The following CCDC171 variants were observed in gnomAD, a reference collection of about 807,000 sequenced individuals.
CCDC171 encodes the protein coiled-coil domain-containing protein 171.
In CCDC171, 177 loss-of-function variants were observed where a neutral mutation model predicts 168.2. That is an observed-to-expected ratio of 1.05 (90% confidence interval 0.93 to 1.19). The LOEUF (loss-of-function observed/expected upper bound fraction) is 1.19, where lower values mean the gene tolerates loss of function less well. CCDC171 is among the 50% of genes most tolerant of loss of function. The pLI, the probability that CCDC171 is intolerant of heterozygous loss-of-function variation, is 0.00. For synonymous variants in CCDC171, 687 were observed against 540.8 expected, an observed-to-expected ratio of 1.27 and a Z score of -3.75; for missense variants, 1,991 against 1,539.0, an observed-to-expected ratio of 1.29 and a Z score of -4.91.
Position 15,705,126 on chromosome 9 carries a change from A to ACT in CCDC171, c.1318+9791_1318+9792dup, listed in dbSNP as rs1554769420. Reference sequence around the variant, plus strand: ...CACACACACACACACACACACTCTCACTCACTCAGATAACTAAGTGTGGTG... The same window carrying ACT: ...CACACACACACACACACACACTCTCACTCTCACTCAGATAACTAAGTGTGGTG... On this transcript the variant is annotated intron_variant, in intron 11 of 25. Transcript: ENST00000380701. Among the ~76,000 whole-genome samples the ACT allele has an allele frequency of 9.8e-3, 1,465 of 148,854 alleles. 19 individuals are homozygous for ACT. The highest frequency in any genetic ancestry group is 0.036 in the African/African-American group (1,422 of 39,582).
Position 15,699,290 on chromosome 9 carries a change from C to G in CCDC171, c.1318+3953C>G, listed in dbSNP as rs561586248. Among the ~76,000 whole-genome samples, 13 of 152,140 alleles carry G rather than the reference C, an allele frequency of 8.5e-5. No homozygotes were observed. In the East Asian group the frequency reaches 2.5e-3, roughly 29 times the overall value. On this transcript the variant is annotated intron_variant, in intron 11 of 25. Coordinates refer to ENST00000380701, the MANE Select transcript of CCDC171 (RefSeq NM_173550.4). ...CGGTGGGCTCGTGGGCTCGCTGGCT[C>G]AGGAGTGAAGCTGCAGACCTTCGCG...
At chr9:15,649,983 A>C (rs1276124711) in intron 7 of CCDC171, among the ~76,000 whole-genome samples, 2 of 152,146 alleles carry the variant, frequency 1.3e-5, no homozygotes, top group Admixed American at 6.5e-5. Context: ...ACAATAGCAA[A>C]GACTTGGAAC....
chr9:15,715,107 A>G (rs2052980672), intron 11 of CCDC171, among the ~76,000 whole-genome samples: 1 of 152,194 alleles, frequency 6.6e-6, no homozygotes. Context: ...TTCTAGCCAC[A>G]TGGAGCTTAT....
chr9:15,766,916 C>T (rs912427108), intron 18 of CCDC171, among the ~76,000 whole-genome samples: 5 of 152,126 alleles, frequency 3.3e-5, no homozygotes, highest in Non-Finnish European at 7.3e-5. Flanking sequence ...TTTGCCTTGG[C>T]CTCACAAAGT....
chr9:15,713,181 G>A (rs563320993), intron 11 of CCDC171, among the ~76,000 whole-genome samples: 3 of 152,264 alleles, frequency 2.0e-5, no homozygotes, highest in South Asian at 2.1e-4. Flanking sequence ...ACTACTTGAC[G>A]TTCTGCTTAC....
chr9:15,666,218 A>C lies in CCDC171; in HGVS notation c.971A>C (p.Glu324Ala). The change falls in exon 9 of 26, where the codon GAA becomes GCA. Residue 324 changes from glutamate (E) to alanine (A), a missense_variant. Transcript: ENST00000380701. ...ALQVEKASQA[E>A]AVADLEIIKN... ...CAAGTAGAGAAGGCCAGTCAAGCAG[A>C]AGCTGTTGCTGATTTGGAAATTATC... 6.2e-7 allele frequency: 1 copy of C among 1,613,898 alleles called. No individual in the cohort carries two copies. Among genetic ancestry groups the C allele is most frequent in the South Asian group, 1.1e-5 (1 of 91,072 alleles).
At chr9:15,686,812 G>A (rs1587958317) in intron 10 of CCDC171, among the ~76,000 whole-genome samples, 1 of 152,088 alleles carries the variant, frequency 6.6e-6, no homozygotes, top group Admixed American at 6.6e-5. Context: ...ATAATATTTC[G>A]GGGCTTCAGT....
chr9:15,579,734 A>G (rs748475676), intron 4 of CCDC171, among the ~76,000 whole-genome samples: 2 of 152,132 alleles, frequency 1.3e-5, no homozygotes, highest in African/African-American at 4.8e-5. Flanking sequence ...ATCATAAAGT[A>G]TATATTCTTT....
At chr9:15,744,863 T>TA (rs2055159779) in intron 17 of CCDC171, 86 bp downstream of exon 17, 3 of 1,284,506 alleles carry the variant, frequency 2.3e-6, no homozygotes, top group East Asian at 2.5e-5. Context: ...GAAAAACTCT[T>TA]AAAAAATCAT....
intron 6 of CCDC171, among the ~76,000 whole-genome samples, chr9:15,597,773 T>G (rs1192742280): frequency 1.3e-5 from 2 of 152,044 alleles, no homozygotes; most frequent in African/African-American, 4.8e-5. Context: ...TCCATCTGGT[T>G]CTGGACTTTT....
At chr9:15,836,235 C>G (rs1486705399) in intron 21 of CCDC171, among the ~76,000 whole-genome samples, 1 of 152,234 alleles carries the variant, frequency 6.6e-6, no homozygotes, top group Non-Finnish European at 1.5e-5. Flanking sequence ...CAAGTGATTT[C>G]TCACACATTA....
intron 18 of CCDC171, among the ~76,000 whole-genome samples, chr9:15,762,897 G>A (rs2135121120): frequency 6.6e-6 from 1 of 152,200 alleles, no homozygotes; most frequent in East Asian, 1.9e-4. Context: ...GTCATACAGT[G>A]CAAAGGAGTG....
chr9:15,799,614 G>C (rs115952906), intron 21 of CCDC171, among the ~76,000 whole-genome samples: 9 of 151,902 alleles, frequency 5.9e-5, no homozygotes, highest in African/African-American at 1.2e-4. Context: ...TTTGTGTTGC[G>C]AACAATCCAA....
intron 4 of CCDC171, among the ~76,000 whole-genome samples, chr9:16,021,111 G>T (rs1323629730): frequency 2.0e-5 from 3 of 152,132 alleles, no homozygotes; most frequent in Non-Finnish European, 2.9e-5. Context: ...TCTTTAGACG[G>T]AGTTTCACTC....
Position 15,810,454 on chromosome 9 carries a change from G to A in CCDC171, c.3267+25760G>A, listed in dbSNP as rs188740767. ...CGGGCGCTGTGGAGCAGGGGGTGGC[G>A]CCTGTCGGGGAGGCTAGGGCCACTT... On this transcript the variant is annotated intron_variant, in intron 21 of 25. Transcript: ENST00000380701. 6.7e-3 allele frequency among the ~76,000 whole-genome samples: 960 copies of A among 142,280 alleles called. 15 individuals are homozygous for A. The highest frequency in any genetic ancestry group is 0.024 in the African/African-American group (907 of 37,852). 93.3% of individuals were successfully genotyped at this position (142,280 alleles called of 152,430 possible).
At chr9:16,059,020 C>T (rs1423425678) in intron 1 of CCDC171, among the ~76,000 whole-genome samples, 2 of 152,122 alleles carry the variant, frequency 1.3e-5, no homozygotes, top group African/African-American at 2.4e-5. Flanking sequence ...TGCCTTTTCC[C>T]ACAAACATGG....
chr9:15,775,576 C>T (rs1459485299), intron 18 of CCDC171, among the ~76,000 whole-genome samples: 1 of 152,154 alleles, frequency 6.6e-6, no homozygotes, highest in Non-Finnish European at 1.5e-5. Flanking sequence ...CCTTAGCCTC[C>T]CAAAGTGCTG....
At chr9:15,959,973 C>G (rs531674128) in intron 25 of CCDC171, among the ~76,000 whole-genome samples, 28 of 152,292 alleles carry the variant, frequency 1.8e-4, no homozygotes, top group African/African-American at 6.3e-4. Context: ...TATGACCTAG[C>G]AAGCCCCCTA....
At chr9:15,924,238 T>G (rs1028601800) in intron 25 of CCDC171, among the ~76,000 whole-genome samples, 7 of 151,354 alleles carry the variant, frequency 4.6e-5, no homozygotes, top group Admixed American at 2.6e-4. Context: ...GAGTGGATAT[T>G]GTGTTAACCA....
Sources: gnomAD v4.1 joint callset for allele counts (sites outside exome capture counted in the v4.1 genomes callset) on GRCh38, gnomAD v4.1.1 for gene constraint, MANE v1.5 for transcripts, NCBI Gene and HGNC (gene_info 2026-07-23, HGNC 2026-07-21) for gene names.